The following TENM3 variants were observed in gnomAD, a reference collection of about 807,000 sequenced individuals.
The protein encoded by TENM3 is teneurin-3.
Under a neutral mutation model 255.1 loss-of-function variants are expected in TENM3, and 63 were observed. That is an observed-to-expected ratio of 0.25 (90% confidence interval 0.20 to 0.30). The LOEUF (loss-of-function observed/expected upper bound fraction) is 0.30. Ranked by LOEUF, TENM3 falls within the 10% of genes least tolerant of loss-of-function variation. The pLI, the probability that TENM3 is intolerant of heterozygous loss-of-function variation, is 1.00. For missense variants in TENM3, 2,929 were observed against 3,461.1 expected (o/e 0.85, Z 3.86); for synonymous variants, 1,306 against 1,322.3 (o/e 0.99, Z 0.27).
chr4:182,773,187 CAGCAAATTAG>C (rs1764403439), intron 22 of TENM3, among the ~76,000 whole-genome samples: 1 of 152,170 alleles, frequency 6.6e-6, no homozygotes, highest in African/African-American at 2.4e-5. Context: ...CCCTTTGAAA[CAGCAAATTAG>C]ATGTGCAGGA....
intron 12 of TENM3, chr4:182,698,282 C>A (rs937341433): frequency 1.2e-4 from 18 of 152,198 alleles, no homozygotes; most frequent in African/African-American, 4.1e-4. Context: ...TCTACTGTTA[C>A]AATCTGTATA....
At chr4:181,743,902 A>T in the TENM3 span, among the ~76,000 whole-genome samples, 2 of 152,052 alleles carry the variant, frequency 1.3e-5, no homozygotes, top group Non-Finnish European at 2.9e-5. Context: ...TTTGCTGCAC[A>T]GATCATCCCC....
chr4:181,545,064 T>C, the TENM3 span, among the ~76,000 whole-genome samples: 1 of 152,206 alleles, frequency 6.6e-6, no homozygotes, highest in Non-Finnish European at 1.5e-5. Context: ...GATAGTTTCT[T>C]AGGTGAACTT....
At chr4:181,665,544 T>C in the TENM3 span, among the ~76,000 whole-genome samples, 12 of 152,276 alleles carry the variant, frequency 7.9e-5, no homozygotes, top group Non-Finnish European at 1.0e-4. Flanking sequence ...TATACGTATA[T>C]ACTTTTTCAT....
the TENM3 span, among the ~76,000 whole-genome samples, chr4:182,080,949 C>A: frequency 1.3e-5 from 2 of 152,082 alleles, no homozygotes; most frequent in African/African-American, 4.8e-5. Context: ...CATGATGACA[C>A]CACTGCACTC....
chr4:181,862,764 G>A, the TENM3 span, among the ~76,000 whole-genome samples: 1 of 151,892 alleles, frequency 6.6e-6, no homozygotes, highest in Non-Finnish European at 1.5e-5. Context: ...CAATTATTTT[G>A]ATGACTAGAC....
chr4:181,783,318 A>G, the TENM3 span, among the ~76,000 whole-genome samples: 3 of 152,122 alleles, frequency 2.0e-5, no homozygotes, highest in Admixed American at 1.3e-4. Flanking sequence ...TATTGGGTGT[A>G]TATATATTCT....
At chr4:181,656,407 G>A in the TENM3 span, among the ~76,000 whole-genome samples, 1 of 152,154 alleles carries the variant, frequency 6.6e-6, no homozygotes, top group Non-Finnish European at 1.5e-5. Flanking sequence ...GTAAATAAAG[G>A]ATTAGAAGAC....
At chr4:182,056,453 GT>G in the TENM3 span, among the ~76,000 whole-genome samples, 1 of 152,146 alleles carries the variant, frequency 6.6e-6, no homozygotes, top group Admixed American at 6.5e-5. Context: ...CAACAACAGA[GT>G]TAGCTCCTGG....
At chr4:181,774,166 C>T in the TENM3 span, among the ~76,000 whole-genome samples, 1 of 84,486 alleles carries the variant, frequency 1.2e-5, no homozygotes, top group African/African-American at 5.5e-5. Context: ...TCCCTCCCCC[C>T]TCCCCCGACC....
chr4:182,617,665 A>G (rs147239741), intron 4 of TENM3, among the ~76,000 whole-genome samples: 291 of 152,322 alleles, frequency 1.9e-3, no homozygotes, highest in Admixed American at 2.3e-3. Flanking sequence ...AGTCTTTCTT[A>G]TTGACACATT....
At chr4:182,220,378 C>CAAAA (rs60851113) in intron 1 of TENM3, among the ~76,000 whole-genome samples, 1,245 of 77,372 alleles carry the variant, frequency 0.016, 124 homozygotes, top group African/African-American at 0.045. Flanking sequence ...CTCTGTCTCA[C>CAAAA]AAAAAAAAAA....
At position 182,547,035 on chromosome 4, in the gene TENM3, T is replaced by C. The variant is rs113919004; in HGVS notation, c.512-53889T>C. On this transcript the variant is annotated intron_variant, in intron 3 of 27. Transcript: ENST00000511685. ...ATATTTTTACAAAAGAAATATCTCC[T>C]CTTCCATTTCTAGATGTACCTCACG... Among the ~76,000 whole-genome samples the C allele has an allele frequency of 1.2e-4, 19 of 152,300 alleles. 1 individual carries two copies. The highest frequency in any genetic ancestry group is 4.3e-4 in the African/African-American group (18 of 41,534).
chr4:181,449,619 A>G, the TENM3 span, among the ~76,000 whole-genome samples: 13 of 152,146 alleles, frequency 8.5e-5, no homozygotes, highest in African/African-American at 2.7e-4. Context: ...CCCCATCTCT[A>G]CTAAAAATAC....
the TENM3 span, among the ~76,000 whole-genome samples, chr4:182,036,989 G>C: frequency 1.3e-5 from 2 of 151,974 alleles, no homozygotes; most frequent in Non-Finnish European, 2.9e-5. Context: ...CCTTCCTCTT[G>C]TGTGTTATAT....
intron 3 of TENM3, among the ~76,000 whole-genome samples, chr4:182,591,666 A>G (rs1254333987): frequency 6.6e-6 from 1 of 152,222 alleles, no homozygotes; most frequent in Non-Finnish European, 1.5e-5. Context: ...AGGTATTTAA[A>G]TGGAAAACTC....
chr4:182,100,402 G>A, the TENM3 span, among the ~76,000 whole-genome samples: 255 of 140,324 alleles, frequency 1.8e-3, 1 homozygote, highest in African/African-American at 3.6e-3. Context: ...AGGAGTTAAC[G>A]ACCAGCCTCG....
the TENM3 span, among the ~76,000 whole-genome samples, chr4:181,686,876 C>T: frequency 4.6e-5 from 7 of 152,118 alleles, no homozygotes; most frequent in Non-Finnish European, 1.0e-4. Flanking sequence ...AATGCTTTCT[C>T]ATTGATTTAA....
the TENM3 span, among the ~76,000 whole-genome samples, chr4:181,893,288 G>A: frequency 6.6e-6 from 1 of 152,078 alleles, no homozygotes; most frequent in African/African-American, 2.4e-5. Flanking sequence ...TACAGAACAA[G>A]TGGGGTTCCA....
Sources: allele counts gnomAD v4.1 joint callset (sites outside exome capture counted in the v4.1 genomes callset), GRCh38; gene constraint gnomAD v4.1.1; transcripts MANE v1.5; gene names NCBI Gene and HGNC (gene_info 2026-07-23, HGNC 2026-07-21).